Variants in CATSPERB observed in about 807,000 individuals in gnomAD.
CATSPERB encodes the protein catsper channel auxiliary subunit beta.
In CATSPERB, 93 loss-of-function variants were observed where a neutral mutation model predicts 128.3. That is an observed-to-expected ratio of 0.72 (90% CI 0.61 to 0.86). The LOEUF (loss-of-function observed/expected upper bound fraction) is 0.86. Ranked by LOEUF, CATSPERB falls within the 40% of genes least tolerant of loss-of-function variation. CATSPERB has a pLI of 0.00. For synonymous variants in CATSPERB, 381 were observed against 448.8 expected, an observed-to-expected ratio of 0.85 and a Z score of 1.91; for missense variants, 1,153 against 1,329.5, an observed-to-expected ratio of 0.87 and a Z score of 2.06.
chr14:91,628,839 T>C (rs1208619419), intron 17 of CATSPERB, among the ~76,000 whole-genome samples: 1 of 152,234 alleles, frequency 6.6e-6, no homozygotes, highest in Non-Finnish European at 1.5e-5. Flanking sequence ...ACATGACTAT[T>C]AGAATGGCAG....
At chr14:91,659,782 T>C (rs1489389356) in intron 15 of CATSPERB, 55 bp downstream of exon 15, 7 of 1,542,070 alleles carry the variant, frequency 4.5e-6, no homozygotes, top group Non-Finnish European at 6.1e-6. Context: ...TTTTCATATA[T>C]CTTCTAATCC....
chr14:91,716,403 CCT>C (rs1340832355), intron 5 of CATSPERB, among the ~76,000 whole-genome samples: 6 of 152,220 alleles, frequency 3.9e-5, no homozygotes, highest in South Asian at 2.1e-4. Flanking sequence ...ATGGCGAAAC[CCT>C]GTTTCTACTA....
intron 17 of CATSPERB, among the ~76,000 whole-genome samples, chr14:91,629,373 A>G (rs1052337004): frequency 1.8e-4 from 27 of 152,204 alleles, no homozygotes; most frequent in South Asian, 6.2e-4. Flanking sequence ...AGGGGAAGAG[A>G]GAGTTGAAGA....
At chr14:91,723,880 G>A (rs1255686334) in intron 3 of CATSPERB, among the ~76,000 whole-genome samples, 1 of 152,116 alleles carries the variant, frequency 6.6e-6, no homozygotes, top group Non-Finnish European at 1.5e-5. Flanking sequence ...GAGATTGTTG[G>A]ATGGATTGGT....
intron 5 of CATSPERB, among the ~76,000 whole-genome samples, chr14:91,714,150 C>G (rs572192164): frequency 3.3e-4 from 50 of 151,646 alleles, no homozygotes; most frequent in Non-Finnish European, 8.8e-5. Context: ...TTTCTTCAAC[C>G]TGATGAAGGG....
At chr14:91,700,260 C>A (rs1181100919) in intron 7 of CATSPERB, among the ~76,000 whole-genome samples, 2 of 152,262 alleles carry the variant, frequency 1.3e-5, no homozygotes, top group Admixed American at 1.3e-4. Flanking sequence ...AAGACATGAA[C>A]TCATTCTTTT....
chr14:91,632,465 A>G (rs572161978), intron 17 of CATSPERB, among the ~76,000 whole-genome samples: 6 of 152,310 alleles, frequency 3.9e-5, no homozygotes, highest in African/African-American at 1.4e-4. Context: ...AAGCATTATA[A>G]TGATAAAAAT....
At chr14:91,647,763 C>T (rs1042822757) in intron 15 of CATSPERB, among the ~76,000 whole-genome samples, 2 of 152,324 alleles carry the variant, frequency 1.3e-5, no homozygotes, top group African/African-American at 4.8e-5. Flanking sequence ...CCTCCCACAA[C>T]ACATGGGGAT....
In CATSPERB at chr14:91,704,534, A is replaced by G; in HGVS notation, c.616+18T>C. ...TATAAAAGGCCAATGTCAACATTTA[A>G]TGAAGCTGTAGACCTACCATCAACT... On this transcript the variant is annotated intron_variant, in intron 7 of 26. Transcript: ENST00000256343. 2 of 1,582,966 alleles carry G rather than the reference A, an allele frequency of 1.3e-6. No homozygotes were observed. The highest frequency in any genetic ancestry group is 1.7e-6 in the Non-Finnish European group (2 of 1,166,190).
intron 5 of CATSPERB, 71 bp from the exon 6 acceptor site, chr14:91,708,307 G>A (rs1895771807): frequency 3.1e-6 from 3 of 956,870 alleles, no homozygotes; most frequent in African/African-American, 3.3e-5. Flanking sequence ...TTAAGGATAT[G>A]TGAACATTAC....
intron 17 of CATSPERB, among the ~76,000 whole-genome samples, chr14:91,631,116 T>G (rs184605754): frequency 6.6e-6 from 1 of 152,242 alleles, no homozygotes; most frequent in Non-Finnish European, 1.5e-5. Context: ...ATGTTAGATA[T>G]GAATTTGTTT....
rs566868688 is a variant in CATSPERB, at chr14:91,651,158, T to C, written c.1432+8679A>G. The stretch of plus-strand genomic sequence containing the variant: ...GTTTCCAGTTGACTCCTGATTGGGC[T>C]TGGCAAATGAAATGCAGCAGCAGGA... On this transcript the variant is annotated intron_variant, in intron 15 of 26. Transcript: ENST00000256343. Among the ~76,000 whole-genome samples the C allele has an allele frequency of 4.9e-4, 74 of 152,336 alleles. No individual in the cohort carries two copies. The South Asian group carries it at 0.015, about 31-fold the overall frequency.
At chr14:91,605,011 A>G in intron 22 of CATSPERB, 9 of 1,151,800 alleles carry the variant, frequency 7.8e-6, no homozygotes, top group Non-Finnish European at 1.1e-5. Context: ...GCTGTGTGGA[A>G]GAGAACACAG....
At chr14:91,674,079 A>G (rs1272894677) in intron 12 of CATSPERB, 97 bp downstream of exon 12, 4 of 693,744 alleles carry the variant, frequency 5.8e-6, no homozygotes, top group African/African-American at 3.7e-5. Context: ...GAAGCCTTTC[A>G]GTCTGTAGAA....
At chr14:91,603,026 A>G in intron 22 of CATSPERB, 3 of 778,272 alleles carry the variant, frequency 3.9e-6, no homozygotes, top group South Asian at 1.3e-5. Flanking sequence ...AGTATTAGTG[A>G]GTGATGTGCC....
intron 7 of CATSPERB, among the ~76,000 whole-genome samples, chr14:91,700,434 G>A (rs115184688): frequency 1.8e-3 from 272 of 152,210 alleles, no homozygotes; most frequent in African/African-American, 6.5e-3. Flanking sequence ...AATGAGTTAG[G>A]GAGGAGATCC....
intron 16 of CATSPERB, among the ~76,000 whole-genome samples, chr14:91,638,400 C>CTT (rs34399837): frequency 7.3e-4 from 106 of 145,648 alleles, no homozygotes; most frequent in Admixed American, 6.2e-4. Context: ...GCTCATGTTC[C>CTT]TTTTTTTTTT....
At chr14:91,586,887 G>A (rs759053863) in intron 26 of CATSPERB, among the ~76,000 whole-genome samples, 9 of 152,214 alleles carry the variant, frequency 5.9e-5, no homozygotes, top group Non-Finnish European at 1.0e-4. Context: ...AGAAGTAGAG[G>A]TGAGAGGAAG....
chr14:91,596,670 A>G (rs539653243), intron 22 of CATSPERB, among the ~76,000 whole-genome samples: 5 of 152,200 alleles, frequency 3.3e-5, no homozygotes, highest in Non-Finnish European at 5.9e-5. Context: ...ATTATTACTG[A>G]TAATGTACAC....
Sources: allele counts gnomAD v4.1 joint callset (sites outside exome capture counted in the v4.1 genomes callset), GRCh38; gene constraint gnomAD v4.1.1; transcripts MANE v1.5; gene names NCBI Gene and HGNC (gene_info 2026-07-23, HGNC 2026-07-21).